The following SYCP1 variants were observed in gnomAD, a reference collection of about 807,000 sequenced individuals.
SYCP1 encodes the protein cancer/testis antigen 8.
Under a neutral mutation model 153.1 loss-of-function variants are expected in SYCP1, and 64 were observed. The ratio of observed to expected loss-of-function variants is 0.42; its 90% confidence interval spans 0.34 to 0.51. SYCP1 has a LOEUF of 0.51. SYCP1 is among the 20% of genes least tolerant of loss of function. The pLI is 0.06. For missense variants in SYCP1, 997 were observed against 1,049.0 expected (o/e 0.95, Z 0.68); for synonymous variants, 384 against 341.8 (o/e 1.12, Z -1.36).
Position 114,876,119 on chromosome 1 carries a change from A to G in SYCP1, c.708A>G (p.Arg236=), listed in dbSNP as rs1020495348. The change falls in exon 10 of 32, where the codon AGA becomes AGG. Residue 236 remains arginine (R), a synonymous_variant. Transcript: ENST00000369522. The part of the protein sequence containing the change: ...EELRVQAENS[R]LEMHFKLKED... ...TTCGTGTGCAAGCTGAGAATTCCAG[A>G]CTGGAAATGCATTTTAAGTGTAGGT... The G allele has an allele frequency of 3.8e-6, 6 of 1,583,688 alleles. No homozygotes were observed. The African/African-American group carries it at 8.1e-5, about 21-fold the overall frequency.
At chr1:114,982,120 C>T (rs565298890) in intron 29 of SYCP1, among the ~76,000 whole-genome samples, 7 of 152,098 alleles carry the variant, frequency 4.6e-5, no homozygotes, top group Non-Finnish European at 8.8e-5. Context: ...ATCTCTCTTA[C>T]CTCTCTCTCG....
chr1:114,960,615 A>G (rs1472540644), intron 27 of SYCP1, among the ~76,000 whole-genome samples: 1 of 152,184 alleles, frequency 6.6e-6, no homozygotes, highest in Non-Finnish European at 1.5e-5. Flanking sequence ...CTGGGGTAAG[A>G]TGATATCTCA....
At chr1:114,932,529 T>TTGGAACTGGAACCCAGTTCCA (rs1404846027) in intron 23 of SYCP1, among the ~76,000 whole-genome samples, 7 of 152,112 alleles carry the variant, frequency 4.6e-5, no homozygotes, top group African/African-American at 1.4e-4. Context: ...CCAACTGAGG[T>TTGGAACTGGAACCCAGTTCCA]ACTGGGTTCA....
chr1:114,980,106 T>A (rs1012984500), intron 28 of SYCP1, among the ~76,000 whole-genome samples: 2 of 151,710 alleles, frequency 1.3e-5, no homozygotes, highest in African/African-American at 4.8e-5. Flanking sequence ...GTAGGAGAAC[T>A]GAAAGAACAC....
chr1:114,975,333 AGTGT>A (rs10641182), intron 27 of SYCP1, among the ~76,000 whole-genome samples: 6 of 146,560 alleles, frequency 4.1e-5, no homozygotes, highest in South Asian at 2.2e-4. Flanking sequence ...CTCTAAAGTA[AGTGT>A]GTGTGTGTGT....
At chr1:114,903,778 T>C (rs1392544935) in intron 16 of SYCP1, among the ~76,000 whole-genome samples, 1 of 152,172 alleles carries the variant, frequency 6.6e-6, no homozygotes, top group East Asian at 1.9e-4. Context: ...GGTGGCTTAG[T>C]CTGGGAGGTC....
chr1:114,894,334 T>C (rs998383442), intron 15 of SYCP1, among the ~76,000 whole-genome samples: 1 of 152,186 alleles, frequency 6.6e-6, no homozygotes, highest in African/African-American at 2.4e-5. Context: ...AGTAAGTCTA[T>C]TACATTTCCA....
At chr1:114,962,195 G>C (rs1671826710) in intron 27 of SYCP1, among the ~76,000 whole-genome samples, 1 of 151,922 alleles carries the variant, frequency 6.6e-6, no homozygotes, top group Non-Finnish European at 1.5e-5. Flanking sequence ...GTGTTGGCCA[G>C]GCTGGTCTCG....
At chr1:114,972,977 T>C (rs191690060) in intron 27 of SYCP1, among the ~76,000 whole-genome samples, 1 of 152,276 alleles carries the variant, frequency 6.6e-6, no homozygotes, top group Non-Finnish European at 1.5e-5. Flanking sequence ...CCCTCAGGCT[T>C]CAGATCTTTT....
intron 23 of SYCP1, among the ~76,000 whole-genome samples, 199 bp downstream of exon 23, chr1:114,926,762 A>G (rs1302601574): frequency 3.3e-5 from 5 of 152,078 alleles, no homozygotes; most frequent in Non-Finnish European, 7.4e-5. Flanking sequence ...GTGATTTAGC[A>G]TGCACATATA....
chr1:114,856,730 A>G, intron 3 of SYCP1, 73 bp downstream of exon 3: 1 of 1,110,476 alleles, frequency 9.0e-7, no homozygotes, highest in Non-Finnish European at 1.3e-6. Context: ...GTTATTGAAA[A>G]TGTAACATAA....
At chr1:114,962,484 C>T (rs1315899343) in intron 27 of SYCP1, among the ~76,000 whole-genome samples, 1 of 152,078 alleles carries the variant, frequency 6.6e-6, no homozygotes, top group African/African-American at 2.4e-5. Flanking sequence ...ACTATTCTTG[C>T]CTGCTTTTGG....
intron 23 of SYCP1, among the ~76,000 whole-genome samples, chr1:114,928,489 C>A (rs564764850): frequency 6.6e-6 from 1 of 152,136 alleles, no homozygotes; most frequent in Non-Finnish European, 1.5e-5. Context: ...GTACCCTAAG[C>A]AATACTTAAG....
chr1:114,937,756 C>T (rs1050314590), intron 23 of SYCP1, among the ~76,000 whole-genome samples: 5 of 152,294 alleles, frequency 3.3e-5, no homozygotes, highest in African/African-American at 7.2e-5. Context: ...AGACACTTCT[C>T]AAAAGAAGAC....
At chr1:114,925,008 T>C (rs1669164182) in intron 21 of SYCP1, among the ~76,000 whole-genome samples, 1 of 152,132 alleles carries the variant, frequency 6.6e-6, no homozygotes, top group African/African-American at 2.4e-5. Flanking sequence ...CTTACTTAAC[T>C]AGAAGTCATT....
intron 16 of SYCP1, among the ~76,000 whole-genome samples, chr1:114,900,121 T>A (rs2101618806): frequency 6.6e-6 from 1 of 152,340 alleles, no homozygotes. Context: ...AAAAACCCTA[T>A]AATGCCTTTT....
intron 16 of SYCP1, among the ~76,000 whole-genome samples, chr1:114,909,114 G>A (rs959953615): frequency 3.3e-5 from 5 of 152,066 alleles, no homozygotes; most frequent in African/African-American, 4.8e-5. Context: ...ATGCTTCATG[G>A]GTTGTTTTTA....
chr1:114,957,989 T>G (rs202246621), intron 27 of SYCP1, among the ~76,000 whole-genome samples: 11 of 152,198 alleles, frequency 7.2e-5, no homozygotes, highest in African/African-American at 2.4e-4. Context: ...AATTCCCATG[T>G]TTACTGTAGC....
Position 114,914,574 on chromosome 1 carries a change from C to T in SYCP1, c.1718+529C>T, listed in dbSNP as rs540287407. Among the ~76,000 whole-genome samples, 482 of 152,196 alleles carry T rather than the reference C, an allele frequency of 3.2e-3. 2 individuals carry two copies. The highest frequency in any genetic ancestry group is 6.1e-3 in the Admixed American group (93 of 15,274). ...ATTGCCACTATTACCAGAACTCCAA[C>T]CTAGTCAAGTTGTAGACAAGCTATC... On this transcript the variant is annotated intron_variant, in intron 20 of 31. Transcript: ENST00000369522.
Sources: gnomAD v4.1 joint callset for allele counts (sites outside exome capture counted in the v4.1 genomes callset) on GRCh38, gnomAD v4.1.1 for gene constraint, MANE v1.5 for transcripts, NCBI Gene and HGNC (gene_info 2026-07-23, HGNC 2026-07-21) for gene names.